The following NPR1 variants were observed in gnomAD, a reference collection of about 807,000 sequenced individuals.
NPR1 encodes the protein natriuretic peptide receptor 1.
NPR1 carries 57 observed loss-of-function variants against 116.9 expected under a neutral mutation model. The ratio of observed to expected loss-of-function variants is 0.49; its 90% CI spans 0.39 to 0.61. NPR1 has a LOEUF of 0.61. Ranked by LOEUF, NPR1 falls within the 20% of genes least tolerant of loss-of-function variation. The pLI, the probability that NPR1 is intolerant of heterozygous loss-of-function variation, is 0.00. For missense variants in NPR1, 1,096 were observed against 1,409.8 expected (o/e 0.78, Z 3.56); for synonymous variants, 555 against 601.6 (o/e 0.92, Z 1.13).
chr1:153,679,423 G>A lies in NPR1; in HGVS notation c.315G>A (p.Lys105=). 1 of 1,543,264 alleles carries A rather than the reference G, an allele frequency of 6.5e-7. No homozygotes were observed. Among genetic ancestry groups the A allele is most frequent in the Non-Finnish European group, 8.7e-7 (1 of 1,149,054 alleles). The change falls in exon 1 of 22, where the codon AAG becomes AAA. Residue 105 remains lysine (K), a synonymous_variant. Coordinates refer to ENST00000368680, the MANE Select transcript of NPR1 (RefSeq NM_000906.4). This position sits in a 1 kb window ranked among gnomAD's most constrained non-coding sequence, Gnocchi z 4.2. ...TAAPLAAVDL[K]WEHNPAVFLG... is the part of the protein sequence containing the mutation. ...CGCCCCTGGCCGCGGTGGACCTCAA[G>A]TGGGAGCACAACCCCGCTGTGTTCC...
chr1:153,684,829 C>A, intron 7 of NPR1, 135 bp from the exon 8 acceptor site: 2 of 1,198,080 alleles, frequency 1.7e-6, no homozygotes, highest in South Asian at 1.5e-5. Flanking sequence ...TCCTGATTCT[C>A]AGTCCAGAGG....
chr1:153,688,130 T>C lies in NPR1; in HGVS notation c.2326T>C (p.Leu776=). The change falls in exon 15 of 22, where the codon TTG becomes CTG. Residue 776 remains leucine, a synonymous_variant. Coordinates refer to ENST00000368680, the MANE Select transcript of NPR1 (RefSeq NM_000906.4). ...GGCCCTGCAGAGTCACCTGGAGGAG[T>C]TGGGGCTGCTCATGCAGCGGTGCTG... The part of the protein sequence containing the change: ...SLALQSHLEE[L]GLLMQRCWAE... 6.2e-7 allele frequency: 1 copy of C among 1,613,054 alleles called. No homozygotes were observed. Among genetic ancestry groups the C allele is most frequent in the Non-Finnish European group, 8.5e-7 (1 of 1,179,638 alleles).
At chr1:153,691,506 A>G (rs918012506) in intron 20 of NPR1, among the ~76,000 whole-genome samples, 1 of 152,196 alleles carries the variant, frequency 6.6e-6, no homozygotes, top group Non-Finnish European at 1.5e-5. Context: ...GGGAGCCCAG[A>G]GGGATCTAGT....
chr1:153,682,742 T>A (rs911252690), intron 5 of NPR1, among the ~76,000 whole-genome samples, 153 bp downstream of exon 5: 2 of 152,082 alleles, frequency 1.3e-5, no homozygotes, highest in Admixed American at 6.5e-5. Context: ...CAGACCCAGC[T>A]CCAGTCTGGG....
chr1:153,685,700 A>G (rs1669907056), intron 8 of NPR1, 106 bp from the exon 9 acceptor site: 3 of 865,006 alleles, frequency 3.5e-6, no homozygotes, highest in Non-Finnish European at 5.7e-6. Flanking sequence ...AGGGTGACAC[A>G]AAGATAAGGC....
Position 153,689,561 on chromosome 1 carries a change from T to G in NPR1, c.2757+40T>G. 1 of 1,581,194 alleles carries G rather than the reference T, an allele frequency of 6.3e-7. No homozygotes were observed. The highest frequency in any genetic ancestry group is 8.7e-7 in the Non-Finnish European group (1 of 1,150,366). ...GGGGATGGGAAGGGACAGACAGACATGGACAAGGTCAGAAAAAGATGAGGG... is the reference window on the plus strand; with the variant it reads ...GGGGATGGGAAGGGACAGACAGACAGGGACAAGGTCAGAAAAAGATGAGGG... On this transcript the variant is annotated intron_variant, in intron 18 of 21. Transcript: ENST00000368680. The surrounding 1 kb of genome is among the most constrained non-coding windows in gnomAD (Gnocchi z 5.1).
Position 153,679,690 on chromosome 1 carries a change from G to C in NPR1, c.582G>C (p.Glu194Asp), listed in dbSNP as rs780404659. Residue 194 changes from glutamate to aspartate, a missense_variant, in exon 1 of 22, where the codon GAG (glutamate) becomes GAC (aspartate). Transcript: ENST00000368680. The surrounding 1 kb of genome is among the most constrained non-coding windows in gnomAD (Gnocchi z 4.2). Reference sequence around the variant, plus strand: ...ACGCCTACCGGCCGGGTGACGAAGAGCACTGCTTCTTCCTCGTGGAGGGGC... The same window carrying C: ...ACGCCTACCGGCCGGGTGACGAAGACCACTGCTTCTTCCTCGTGGAGGGGC... ...MLYAYRPGDE[E>D]HCFFLVEGLF... The C allele has an allele frequency of 7.5e-6, 12 of 1,609,606 alleles. No individual in the cohort carries two copies. Among genetic ancestry groups the C allele is most frequent in the South Asian group, 1.1e-5 (1 of 90,704 alleles).
chr1:153,679,902 A>G lies in NPR1; in HGVS notation c.721+73A>G. ...CCTCTGACCTGCCGGAGGCATCGGG[A>G]CTTTCTCTCTCATCTGGGGGCACTC... On this transcript the variant is annotated intron_variant, in intron 1 of 21. Transcript: ENST00000368680. This position sits in a 1 kb window ranked among gnomAD's most constrained non-coding sequence, Gnocchi z 4.2. The G allele has an allele frequency of 6.7e-7, 1 of 1,498,074 alleles. No individual in the cohort carries two copies. The highest frequency in any genetic ancestry group is 2.5e-5 in the Admixed American group (1 of 40,458). The allele number at this position is 1,498,074 out of a possible 1,614,324, so 92.8% of individuals were successfully genotyped here.
In NPR1 at chr1:153,689,762, C is replaced by T. The variant is rs1240209975; in HGVS notation, c.2758-44C>T. The T allele has an allele frequency of 6.8e-7, 1 of 1,475,812 alleles. No individual in the cohort carries two copies. Among genetic ancestry groups the T allele is most frequent in the East Asian group, 2.5e-5 (1 of 40,664 alleles). 91.4% of individuals were successfully genotyped at this position (1,475,812 alleles called of 1,614,324 possible). A position where few individuals can be genotyped will look rare whatever the true frequency, so the allele number is the denominator to read the frequency against. ...CGGTGTGACGGTGTGGCCGGCCGCA[C>T]AGTTGCAGCCGTCAAGTCCTGCACC... On this transcript the variant is annotated intron_variant, in intron 18 of 21. Transcript: ENST00000368680. This position sits in a 1 kb window ranked among gnomAD's most constrained non-coding sequence, Gnocchi z 5.1.
intron 10 of NPR1, 143 bp from the exon 11 acceptor site, chr1:153,686,503 G>C (rs1571349546): frequency 2.7e-6 from 2 of 741,730 alleles, no homozygotes; most frequent in East Asian, 5.1e-5. Flanking sequence ...AAAGGACATG[G>C]GTGGGAATCA....
In NPR1 at chr1:153,679,613, G is replaced by A; in HGVS notation, c.505G>A (p.Val169Met). Residue 169 changes from valine to methionine, a missense_variant, in exon 1 of 22, where the codon GTG (valine) becomes ATG (methionine). Val to Met is a conservative substitution (Grantham distance 21). Transcript: ENST00000368680. The surrounding 1 kb of genome is among the most constrained non-coding windows in gnomAD (Gnocchi z 4.2). The stretch of plus-strand genomic sequence containing the variant: ...CAGCTACGCCAAGCTGGGGGACTTC[G>A]TGGCGGCGCTGCACCGACGGCTGGG... ...GPSYAKLGDF[V>M]AALHRRLGWE... is the part of the protein sequence containing the mutation. 6.3e-7 allele frequency: 1 copy of A among 1,586,150 alleles called. No individual in the cohort carries two copies. Among genetic ancestry groups the A allele is most frequent in the Non-Finnish European group, 8.6e-7 (1 of 1,169,120 alleles).
At position 153,681,133 on chromosome 1, in the gene NPR1, G is replaced by A. The variant is rs1226705524; in HGVS notation, c.922-47G>A. On this transcript the variant is annotated intron_variant, in intron 2 of 21. Transcript: ENST00000368680. ...ACTGTTGGGGCCCCACAGTACTAGG[G>A]AATAGTCAGCTCCCAACTCTCTGCT... 3 of 1,204,078 alleles carry A rather than the reference G, an allele frequency of 2.5e-6. No homozygotes were observed. The Admixed American group carries it at 5.1e-5, about 20-fold the overall frequency. 74.6% of individuals were successfully genotyped at this position (1,204,078 alleles called of 1,614,324 possible).
rs958274375 is a variant in NPR1 at position 153,687,498 on chromosome 1, G to A, written c.2093-136G>A. 1.4e-5 allele frequency: 20 copies of A among 1,473,114 alleles called. No homozygotes were observed. In the Admixed American group the frequency reaches 3.0e-4, roughly 22 times the overall value. 91.3% of individuals were successfully genotyped at this position (1,473,114 alleles called of 1,614,324 possible). A position where few individuals can be genotyped will look rare whatever the true frequency, so the allele number is the denominator to read the frequency against. On this transcript the variant is annotated intron_variant, in intron 13 of 21. Coordinates refer to ENST00000368680, the MANE Select transcript of NPR1 (RefSeq NM_000906.4). ...ACCCATGAAAAAGGGAAGGCCAGAC[G>A]AAGTGGTTTCTAAGGCCTCCTCTAG...
At chr1:153,681,476 C>G (rs921403912) in intron 3 of NPR1, 183 bp downstream of exon 3, 1 of 640,394 alleles carries the variant, frequency 1.6e-6, no homozygotes, top group South Asian at 1.9e-5. Context: ...CTCAGGTCAT[C>G]ATCAGTAATA....
rs920233574 is a variant in NPR1, at chr1:153,687,559, G to A, written c.2093-75G>A. On this transcript the variant is annotated intron_variant, in intron 13 of 21. Transcript: ENST00000368680. Reference sequence around the variant, plus strand: ...CTGTGATGCATCCAGATCAGTTTCGGCCACACCCTTGTTTCCCCCTCACCC... The same window carrying A: ...CTGTGATGCATCCAGATCAGTTTCGACCACACCCTTGTTTCCCCCTCACCC... 73 of 1,519,466 alleles carry A rather than the reference G, an allele frequency of 4.8e-5. 1 individual carries two copies. The highest frequency in any genetic ancestry group is 3.0e-4 in the South Asian group (23 of 76,592). 94.1% of individuals were successfully genotyped at this position (1,519,466 alleles called of 1,614,324 possible).
At chr1:153,683,672 T>C in intron 6 of NPR1, 68 bp from the exon 7 acceptor site, 2 of 1,558,502 alleles carry the variant, frequency 1.3e-6, no homozygotes, top group Non-Finnish European at 1.8e-6. Context: ...TGATGGACTA[T>C]TAGAAAGTTC....
rs1426140357 is a variant in NPR1, at chr1:153,689,865, G to A, written c.2817G>A (p.Arg939=). ...CAGGGCTCCCTGTGCGGAACGGGCGGCTACACGCCTGCGAGGTAGCCCGCA... is the reference window on the plus strand; with the variant it reads ...CAGGGCTCCCTGTGCGGAACGGGCGACTACACGCCTGCGAGGTAGCCCGCA... ...VVSGLPVRNG[R]LHACEVARMA... is the part of the protein sequence containing the mutation. The change falls in exon 19 of 22, where the codon CGG becomes CGA. Residue 939 remains arginine (R), a synonymous_variant. Transcript: ENST00000368680. This position sits in a 1 kb window ranked among gnomAD's most constrained non-coding sequence, Gnocchi z 5.1. 1 of 1,593,026 alleles carries A rather than the reference G, an allele frequency of 6.3e-7. No homozygotes were observed. The highest frequency in any genetic ancestry group is 8.6e-7 in the Non-Finnish European group (1 of 1,167,682).
intron 2 of NPR1, 119 bp from the exon 3 acceptor site, chr1:153,681,061 T>C (rs1571345083): frequency 1.2e-5 from 8 of 685,754 alleles, no homozygotes; most frequent in Non-Finnish European, 1.8e-5. Context: ...AGGGTCCAGT[T>C]TGACCTTGAG....
intron 4 of NPR1, 117 bp from the exon 5 acceptor site, chr1:153,682,381 C>T: frequency 1.4e-6 from 1 of 729,368 alleles, no homozygotes; most frequent in Non-Finnish European, 2.4e-6. Flanking sequence ...TACTATCATT[C>T]TGTATACATG....
Sources: gnomAD v4.1 joint callset for allele counts (sites outside exome capture counted in the v4.1 genomes callset) on GRCh38, gnomAD v4.1.1 for gene constraint, Gnocchi (gnomAD v3.1) non-coding constraint, MANE v1.5 for transcripts, NCBI Gene and HGNC (gene_info 2026-07-23, HGNC 2026-07-21) for gene names.